Variants in CCDC186 observed in about 807,000 individuals in gnomAD.
The protein encoded by CCDC186 is coiled-coil domain-containing protein 186.
CCDC186 carries 49 observed loss-of-function variants against 113.7 expected under a neutral mutation model. The observed-to-expected ratio is 0.43, with a 90% CI of 0.34 to 0.55. The LOEUF (loss-of-function observed/expected upper bound fraction) is 0.55. Ranked by LOEUF, CCDC186 falls within the 20% of genes least tolerant of loss-of-function variation. The pLI, the probability that CCDC186 is intolerant of heterozygous loss-of-function variation, is 0.02. For synonymous variants in CCDC186, 355 were observed against 345.8 expected, an observed-to-expected ratio of 1.03 and a Z score of -0.30; for missense variants, 890 against 1,011.1, an observed-to-expected ratio of 0.88 and a Z score of 1.62.
intron 1 of CCDC186, among the ~76,000 whole-genome samples, chr10:114,165,432 G>A (rs1030384825): frequency 6.6e-6 from 1 of 152,158 alleles, no homozygotes; most frequent in Non-Finnish European, 1.5e-5. Context: ...GGTGGCTCAC[G>A]CCTGTAATCC....
At chr10:114,136,105 T>TTTA (rs568210089) in intron 8 of CCDC186, 43 bp downstream of exon 8, 16,021 of 1,551,596 alleles carry the variant, frequency 0.01, 121 homozygotes, top group Non-Finnish European at 0.012. Context: ...TCTTTCTGTA[T>TTTA]TTATTATGCA....
chr10:114,132,633 G>A (rs1211950900), intron 10 of CCDC186, among the ~76,000 whole-genome samples: 1 of 152,206 alleles, frequency 6.6e-6, no homozygotes, highest in Non-Finnish European at 1.5e-5. Flanking sequence ...ATGAATGAGT[G>A]TGGATGTGTT....
intron 12 of CCDC186, 88 bp from the exon 13 acceptor site, chr10:114,130,059 A>T: frequency 8.6e-7 from 1 of 1,158,970 alleles, no homozygotes; most frequent in Non-Finnish European, 1.3e-6. Context: ...TCACTGAGGC[A>T]AAAATGGCAT....
chr10:114,167,983 C>G (rs1465407466), intron 1 of CCDC186, among the ~76,000 whole-genome samples: 4 of 151,600 alleles, frequency 2.6e-5, no homozygotes, highest in Non-Finnish European at 5.9e-5. Context: ...GACTCGTTCT[C>G]TAAGAAAAAG....
chr10:114,142,525 C>G (rs1208063367), intron 6 of CCDC186, among the ~76,000 whole-genome samples: 1 of 152,238 alleles, frequency 6.6e-6, no homozygotes, highest in Admixed American at 6.5e-5. Context: ...GGAAATTCAT[C>G]TTTATTTACT....
intron 4 of CCDC186, 125 bp from the exon 5 acceptor site, chr10:114,145,886 G>C: frequency 1.2e-6 from 1 of 826,424 alleles, no homozygotes; most frequent in Non-Finnish European, 1.8e-6. Context: ...ACATTCCCAG[G>C]ACTTGTGCCA....
At chr10:114,155,181 A>G (rs1349137190) in intron 3 of CCDC186, among the ~76,000 whole-genome samples, 1 of 152,238 alleles carries the variant, frequency 6.6e-6, no homozygotes, top group African/African-American at 2.4e-5. Flanking sequence ...TTGCACAGGT[A>G]AAAGTCACTG....
intron 3 of CCDC186, among the ~76,000 whole-genome samples, chr10:114,151,636 C>T (rs912329586): frequency 6.6e-6 from 1 of 152,218 alleles, no homozygotes; most frequent in Non-Finnish European, 1.5e-5. Flanking sequence ...CTATGTCTCA[C>T]TGAGACTGTG....
In CCDC186 at chr10:114,121,604, A is replaced by T. The variant is rs2119654129; in HGVS notation, c.*3539T>A. 6.6e-6 allele frequency: 1 copy of T among 152,296 alleles called. No homozygotes were observed. Among genetic ancestry groups the T allele is most frequent in the South Asian group, 2.1e-4 (1 of 4,826 alleles). 9.4% of individuals were successfully genotyped at this position (152,296 alleles called of 1,614,324 possible). A position where few individuals can be genotyped will look rare whatever the true frequency, so the allele number is the denominator to read the frequency against. On this transcript the variant is annotated 3_prime_UTR_variant, in exon 16 of 16. Coordinates refer to ENST00000369287, the MANE Select transcript of CCDC186 (RefSeq NM_018017.4). ...ATAATGAAAATCAAACTATGATAAAAGTTAGGAAACGTGCAGAACCACCAG... is the reference window on the plus strand; with the variant it reads ...ATAATGAAAATCAAACTATGATAAATGTTAGGAAACGTGCAGAACCACCAG...
At chr10:114,170,332 A>G (rs1009663053) in intron 1 of CCDC186, among the ~76,000 whole-genome samples, 1 of 127,280 alleles carries the variant, frequency 7.9e-6, no homozygotes, top group Non-Finnish European at 1.8e-5. Context: ...ACTTTTTATT[A>G]TTAGAAACTA....
intron 3 of CCDC186, among the ~76,000 whole-genome samples, chr10:114,151,624 C>T (rs2031859495): frequency 6.6e-6 from 1 of 152,198 alleles, no homozygotes; most frequent in South Asian, 2.1e-4. Flanking sequence ...TGTGTTGTCT[C>T]ACTATGTCTC....
chr10:114,169,218 A>G (rs1486925091), intron 1 of CCDC186, among the ~76,000 whole-genome samples: 3 of 151,340 alleles, frequency 2.0e-5, no homozygotes, highest in Non-Finnish European at 4.4e-5. Context: ...TTTAAATTAT[A>G]AACTGTAGTA....
rs1358669216 is a variant in CCDC186, at chr10:114,174,113, G to A, written c.-160C>T. 2.1e-6 allele frequency: 1 copy of A among 472,220 alleles called. No individual in the cohort carries two copies. The highest frequency in any genetic ancestry group is 2.3e-5 in the Admixed American group (1 of 42,572). The allele number at this position is 472,220 out of a possible 1,614,324, so 29.3% of individuals were successfully genotyped here. A position where few individuals can be genotyped will look rare whatever the true frequency, so the allele number is the denominator to read the frequency against. On this transcript the variant is annotated 5_prime_UTR_variant, in exon 1 of 16. Transcript: ENST00000369287. ...AGCGGGGTCCAACCAGCCAAGAGTG[G>A]GAGGAAAAGACCGCGGTGAGAAACA...
In CCDC186 at chr10:114,125,147, GT is replaced by G. The variant is rs778829812; in HGVS notation, c.2692del (p.Thr898ProfsTer17). 22 of 1,602,100 alleles carry G rather than the reference GT, an allele frequency of 1.4e-5. No homozygotes were observed. The highest frequency in any genetic ancestry group is 1.9e-5 in the Non-Finnish European group (22 of 1,173,890). On this transcript the variant is annotated frameshift_variant, in exon 16 of 16. Transcript: ENST00000369287. LOFTEE classifies it high-confidence loss of function. ...TTACTGAGCAAGAGGCTTGTTTTAG[GT>G]TTTCTTTGTCCTCTGTTCTAGTTCA... is the stretch of plus-strand genomic sequence containing the variant. The part of the protein sequence containing the change: ...QHELEQRTKK[T>X]
Position 114,131,270 on chromosome 10 carries a change from C to T in CCDC186, c.1978G>A (p.Ala660Thr), listed in dbSNP as rs142919411. ...GCTTTAACTTCTGTTTGTCTACAAG[C>T]GAGTTCAGCTTGCAGAGTTTGGACT... ...EEVQTLQAEL[A>T]CRQTEVKALS... The change falls in exon 12 of 16, where the codon GCT (alanine) becomes ACT (threonine). Residue 660 changes from alanine (A) to threonine (T), a missense_variant. By Grantham distance (58) the Ala-to-Thr change is moderately conservative. Coordinates refer to ENST00000369287, the MANE Select transcript of CCDC186 (RefSeq NM_018017.4). 1.4e-5 allele frequency: 23 copies of T among 1,603,020 alleles called. No homozygotes were observed. In the African/African-American group the frequency reaches 2.0e-4, roughly 14 times the overall value.
At chr10:114,130,071 G>T in intron 12 of CCDC186, 100 bp from the exon 13 acceptor site, 1 of 1,013,454 alleles carries the variant, frequency 9.9e-7, no homozygotes, top group Non-Finnish European at 1.5e-6. Flanking sequence ...AAATGGCATA[G>T]ACAAGAGAAA....
At chr10:114,141,803 C>T (rs908025062) in intron 6 of CCDC186, among the ~76,000 whole-genome samples, 19 of 152,276 alleles carry the variant, frequency 1.2e-4, no homozygotes, top group Admixed American at 3.3e-4. Context: ...TTCAGGTAGA[C>T]TGCTGGGCTG....
intron 12 of CCDC186, 53 bp from the exon 13 acceptor site, chr10:114,130,024 C>T (rs937815607): frequency 4.6e-6 from 7 of 1,526,060 alleles, no homozygotes; most frequent in Non-Finnish European, 6.3e-6. Context: ...TTTGCTCCTA[C>T]CATCTCTGAC....
chr10:114,129,800 G>T, intron 13 of CCDC186, 91 bp downstream of exon 13: 1 of 1,115,364 alleles, frequency 9.0e-7, no homozygotes, highest in Non-Finnish European at 1.3e-6. Flanking sequence ...AAAGTGCTGG[G>T]ATTACAGGTG....
Sources: gnomAD v4.1 joint callset for allele counts (sites outside exome capture counted in the v4.1 genomes callset) on GRCh38, gnomAD v4.1.1 for gene constraint, MANE v1.5 for transcripts, NCBI Gene and HGNC (gene_info 2026-07-23, HGNC 2026-07-21) for gene names.